Variants in TTC39C observed in about 807,000 individuals in gnomAD.
The protein encoded by TTC39C is tetratricopeptide repeat protein 39C.
A neutral mutation model predicts 76.3 loss-of-function variants in TTC39C; 33 were observed. The ratio of observed to expected loss-of-function variants is 0.43; its 90% CI spans 0.33 to 0.58. The LOEUF (loss-of-function observed/expected upper bound fraction) is 0.58, where lower values mean the gene tolerates loss of function less well. Ranked by LOEUF, TTC39C falls within the 20% of genes least tolerant of loss-of-function variation. TTC39C has a pLI of 0.04. For missense variants in TTC39C, 595 were observed against 701.4 expected, an observed-to-expected ratio of 0.85 and a Z score of 1.71; for synonymous variants, 254 against 260.6, an observed-to-expected ratio of 0.97 and a Z score of 0.24.
intron 1 of TTC39C, among the ~76,000 whole-genome samples, chr18:24,030,389 A>C (rs2083652121): frequency 6.6e-6 from 1 of 152,240 alleles, no homozygotes; most frequent in African/African-American, 2.4e-5. Flanking sequence ...AGAACAGATC[A>C]GTAACTCTTA....
At chr18:24,094,297 C>T (rs2084562595) in intron 6 of TTC39C, among the ~76,000 whole-genome samples, 1 of 152,206 alleles carries the variant, frequency 6.6e-6, no homozygotes, top group Admixed American at 6.5e-5. Context: ...CTATTTCTAC[C>T]ACATTGGCTG....
intron 6 of TTC39C, among the ~76,000 whole-genome samples, chr18:24,104,328 A>T (rs948750546): frequency 6.6e-6 from 1 of 151,302 alleles, no homozygotes; most frequent in Non-Finnish European, 1.5e-5. Flanking sequence ...GGCCATCCCC[A>T]CTCCACCCCT....
intron 1 of TTC39C, among the ~76,000 whole-genome samples, chr18:24,028,361 T>C (rs1226673303): frequency 6.7e-6 from 1 of 149,910 alleles, no homozygotes; most frequent in Non-Finnish European, 1.5e-5. Flanking sequence ...GCTGGGCTTA[T>C]AAGAGAGAGT....
chr18:24,104,916 C>T (rs1043400093), intron 6 of TTC39C, among the ~76,000 whole-genome samples: 1 of 152,032 alleles, frequency 6.6e-6, no homozygotes, highest in Admixed American at 6.6e-5. Context: ...AAAGCTCCAT[C>T]TCCCCCATCA....
intron 6 of TTC39C, among the ~76,000 whole-genome samples, chr18:24,096,753 A>G (rs1486845575): frequency 2.0e-5 from 3 of 152,172 alleles, no homozygotes; most frequent in Non-Finnish European, 4.4e-5. Context: ...TATAGCTTTG[A>G]TAATTGTGAT....
At chr18:24,132,259 G>A (rs1053370016) in intron 13 of TTC39C, among the ~76,000 whole-genome samples, 7 of 152,126 alleles carry the variant, frequency 4.6e-5, no homozygotes, top group African/African-American at 1.7e-4. Flanking sequence ...AGAATAACTC[G>A]AGGAAAATTG....
Position 24,066,107 on chromosome 18 carries a change from A to G in TTC39C, c.312A>G (p.Val104=). The change falls in exon 3 of 14, where the codon GTA becomes GTG. Residue 104 remains valine (V), a synonymous_variant. Coordinates refer to ENST00000317571, the MANE Select transcript of TTC39C (RefSeq NM_001135993.2). ...TGTGTGAAAGTGAAGAGGCTGGAGTAATTGAAACAATCAAGAATAAAATTA... is the reference window on the plus strand; with the variant it reads ...TGTGTGAAAGTGAAGAGGCTGGAGTGATTGAAACAATCAAGAATAAAATTA... ...EKLCESEEAG[V]IETIKNKIKK... 2 of 1,599,598 alleles carry G rather than the reference A, an allele frequency of 1.3e-6. No homozygotes were observed. Among genetic ancestry groups the G allele is most frequent in the Non-Finnish European group, 1.7e-6 (2 of 1,176,590 alleles).
intron 6 of TTC39C, among the ~76,000 whole-genome samples, chr18:24,093,639 T>C (rs550627023): frequency 6.6e-6 from 1 of 152,356 alleles, no homozygotes; most frequent in East Asian, 1.9e-4. Context: ...TCTAGACCAC[T>C]GCACTAAAGC....
chr18:24,022,526 C>G, intron 1 of TTC39C: 1 of 983,024 alleles, frequency 1.0e-6, no homozygotes. Context: ...CATGTGCTAT[C>G]TACCTCTCTT....
At chr18:24,011,128 C>T (rs1309199680), upstream of TTC39C, among the ~76,000 whole-genome samples, 1 of 152,220 alleles carries the variant, frequency 6.6e-6, no homozygotes, top group African/African-American at 2.4e-5. Context: ...GATTGTCGCT[C>T]TCACATCCAT....
upstream of TTC39C, among the ~76,000 whole-genome samples, chr18:24,014,155 G>T (rs553822068): frequency 6.6e-6 from 1 of 152,230 alleles, no homozygotes; most frequent in African/African-American, 2.4e-5. Flanking sequence ...CTCGGGAATT[G>T]GCTGCCCTGG....
chr18:24,114,086 G>A, intron 6 of TTC39C: 1 of 270,148 alleles, frequency 3.7e-6, no homozygotes, highest in Non-Finnish European at 7.1e-6. Flanking sequence ...CTGGGCCAGG[G>A]CTGGGCGCAC....
intron 1 of TTC39C, chr18:24,015,312 A>C: frequency 3.1e-6 from 1 of 318,112 alleles, no homozygotes; most frequent in Non-Finnish European, 5.7e-6. Context: ...ACTTTCTCCC[A>C]GCCTCGCCCT....
At chr18:24,126,991 A>G (rs904526300) in intron 10 of TTC39C, among the ~76,000 whole-genome samples, 7 of 152,248 alleles carry the variant, frequency 4.6e-5, no homozygotes, top group South Asian at 2.1e-4. Flanking sequence ...AATATAAGGT[A>G]GGCAGTAATT....
intron 1 of TTC39C, among the ~76,000 whole-genome samples, chr18:24,056,829 A>G (rs1270001023): frequency 1.3e-5 from 2 of 152,096 alleles, no homozygotes; most frequent in African/African-American, 4.8e-5. Flanking sequence ...TATCTTTTGT[A>G]GAACATATGT....
At position 24,122,713 on chromosome 18, in the gene TTC39C, A is replaced by G. The variant is rs992110243; in HGVS notation, c.1187-1121A>G. Among the ~76,000 whole-genome samples, 3 of 152,050 alleles carry G rather than the reference A, an allele frequency of 2.0e-5. No individual in the cohort carries two copies. In the South Asian group the frequency reaches 6.2e-4, roughly 31 times the overall value. On this transcript the variant is annotated intron_variant, in intron 8 of 13. Coordinates refer to ENST00000317571, the MANE Select transcript of TTC39C (RefSeq NM_001135993.2). The stretch of plus-strand genomic sequence containing the variant: ...AGTTTGCATAAGGGACAGAGAAGAC[A>G]CAGCAAAGGGAGGATCATTAAATCT...
intron 4 of TTC39C, among the ~76,000 whole-genome samples, chr18:24,072,262 G>T (rs1208302524): frequency 2.0e-5 from 3 of 151,382 alleles, no homozygotes; most frequent in African/African-American, 4.9e-5. Flanking sequence ...CTCTGGTAGG[G>T]ATGAGCCAAT....
intron 10 of TTC39C, among the ~76,000 whole-genome samples, chr18:24,126,936 T>C (rs982955804): frequency 6.6e-6 from 1 of 152,236 alleles, no homozygotes; most frequent in Non-Finnish European, 1.5e-5. Context: ...ATTTTTTAAA[T>C]ACACAAGTAC....
chr18:24,094,696 G>T (rs1300787266), intron 6 of TTC39C, among the ~76,000 whole-genome samples: 1 of 152,220 alleles, frequency 6.6e-6, no homozygotes, highest in Non-Finnish European at 1.5e-5. Flanking sequence ...GCTTTGAAAG[G>T]AATCTTTTTT....
Sources: allele counts gnomAD v4.1 joint callset (sites outside exome capture counted in the v4.1 genomes callset), GRCh38; gene constraint gnomAD v4.1.1; transcripts MANE v1.5; gene names NCBI Gene and HGNC (gene_info 2026-07-23, HGNC 2026-07-21).